Variants in FGD4 observed in about 807,000 individuals in gnomAD.
FGD4 encodes FYVE, RhoGEF and PH domain-containing protein 4.
Under a neutral mutation model 102.0 loss-of-function variants are expected in FGD4, and 42 were observed. That is an observed-to-expected ratio of 0.41 (90% CI 0.32 to 0.53). The LOEUF (loss-of-function observed/expected upper bound fraction) is 0.53. Among genes scored for constraint, FGD4 ranks in the 20% least tolerant of loss-of-function variants. The pLI is 0.21. For synonymous variants in FGD4, 380 were observed against 375.7 expected (o/e 1.01, Z -0.13); for missense variants, 902 against 1,078.2 (o/e 0.84, Z 2.29).
intron 4 of FGD4, among the ~76,000 whole-genome samples, chr12:32,592,618 G>A (rs1324336539): frequency 1.3e-5 from 2 of 151,878 alleles, no homozygotes; most frequent in Non-Finnish European, 2.9e-5. Context: ...TCAGGCTATA[G>A]CCCCAATGTA....
At chr12:32,541,083 T>G (rs1271301375) in intron 1 of FGD4, among the ~76,000 whole-genome samples, 2 of 152,166 alleles carry the variant, frequency 1.3e-5, no homozygotes, top group Non-Finnish European at 2.9e-5. Context: ...GAAAATTGGT[T>G]TATCTTTGAT....
At chr12:32,475,822 A>G (rs913932867) in intron 1 of FGD4, among the ~76,000 whole-genome samples, 1 of 152,208 alleles carries the variant, frequency 6.6e-6, no homozygotes, top group Non-Finnish European at 1.5e-5. Flanking sequence ...CTTTGCCCTA[A>G]GGCCATTTCT....
At chr12:32,537,813 A>C (rs1323511835) in intron 1 of FGD4, among the ~76,000 whole-genome samples, 1 of 152,200 alleles carries the variant, frequency 6.6e-6, no homozygotes, top group Non-Finnish European at 1.5e-5. Flanking sequence ...CTCCCTGTAT[A>C]TAGGATATAA....
chr12:32,602,028 T>C (rs974404745), intron 6 of FGD4, 133 bp from the exon 7 acceptor site: 14 of 749,400 alleles, frequency 1.9e-5, no homozygotes, highest in South Asian at 1.2e-4. Context: ...AGCTGGAGGA[T>C]TGATTGAACC....
chr12:32,543,704 G>A (rs1229209445), intron 1 of FGD4, among the ~76,000 whole-genome samples: 6 of 152,166 alleles, frequency 3.9e-5, no homozygotes. Flanking sequence ...TCAGCTCACT[G>A]CAAGCTCCGC....
chr12:32,607,634 G>C (rs1948865533), intron 7 of FGD4, among the ~76,000 whole-genome samples: 2 of 152,136 alleles, frequency 1.3e-5, no homozygotes, highest in Non-Finnish European at 2.9e-5. Flanking sequence ...CTCAGGCTCA[G>C]CCTCCGCATA....
intron 7 of FGD4, 115 bp downstream of exon 7, chr12:32,602,432 A>C (rs1948487793): frequency 5.9e-6 from 7 of 1,182,838 alleles, no homozygotes; most frequent in Non-Finnish European, 8.7e-6. Context: ...GCCAAAATTC[A>C]TTCTACTCCA....
chr12:32,469,397 G>C (rs915277302), intron 1 of FGD4, among the ~76,000 whole-genome samples: 1 of 151,694 alleles, frequency 6.6e-6, no homozygotes, highest in African/African-American at 2.4e-5. Flanking sequence ...TCCTGCCTCA[G>C]CCTCCCAAGT....
At chr12:32,441,918 C>T (rs930437656) in intron 1 of FGD4, among the ~76,000 whole-genome samples, 1 of 152,118 alleles carries the variant, frequency 6.6e-6, no homozygotes, top group Non-Finnish European at 1.5e-5. Context: ...TCTAACAGGA[C>T]AGCACTGAGT....
In FGD4 at chr12:32,501,887, A is replaced by C. The variant is rs560593697; in HGVS notation, c.167-62250A>C. Among the ~76,000 whole-genome samples, 116 of 152,342 alleles carry C rather than the reference A, an allele frequency of 7.6e-4. 1 individual carries two copies. The highest frequency in any genetic ancestry group is 6.8e-3 in the Middle Eastern group (2 of 294). The stretch of plus-strand genomic sequence containing the variant: ...TCTCCCTGAATGAGCAGAGTTAGCT[A>C]TCTGAAATGTCAGGAGTTTGTACCA... On this transcript the variant is annotated intron_variant, in intron 1 of 16. Transcript: ENST00000534526.
At chr12:32,486,044 CT>C in intron 1 of FGD4, 1 of 1,490,918 alleles carries the variant, frequency 6.7e-7, no homozygotes, top group African/African-American at 1.4e-5. Flanking sequence ...CCTATAGTTT[CT>C]ACCAACAAAT....
At chr12:32,631,864 G>T (rs1008055593) in intron 14 of FGD4, among the ~76,000 whole-genome samples, 1 of 152,108 alleles carries the variant, frequency 6.6e-6, no homozygotes, top group Non-Finnish European at 1.5e-5. Flanking sequence ...TGATTGAAAT[G>T]ATTTTTGATA....
intron 1 of FGD4, among the ~76,000 whole-genome samples, chr12:32,543,312 A>G (rs1023975663): frequency 6.6e-6 from 1 of 152,264 alleles, no homozygotes. Context: ...CTCCCTGCAC[A>G]TGGATGTATT....
chr12:32,562,254 C>A (rs1325680407), intron 1 of FGD4, among the ~76,000 whole-genome samples: 8 of 152,156 alleles, frequency 5.3e-5, no homozygotes, highest in Admixed American at 3.3e-4. Context: ...GTATAACAGT[C>A]TTCTGTCAAC....
intron 1 of FGD4, among the ~76,000 whole-genome samples, chr12:32,540,726 C>T (rs1302425485): frequency 6.6e-6 from 1 of 152,022 alleles, no homozygotes; most frequent in African/African-American, 2.4e-5. Context: ...CCACCACCCC[C>T]AGCTAATTTT....
At chr12:32,488,868 G>A (rs1416879929) in intron 1 of FGD4, among the ~76,000 whole-genome samples, 5 of 152,168 alleles carry the variant, frequency 3.3e-5, no homozygotes, top group African/African-American at 9.7e-5. Context: ...GAACCCGGGA[G>A]GTGGAGGTTG....
At chr12:32,406,132 A>T (rs1053576122) in intron 1 of FGD4, among the ~76,000 whole-genome samples, 5 of 151,836 alleles carry the variant, frequency 3.3e-5, no homozygotes, top group African/African-American at 1.2e-4. Flanking sequence ...TAGTAAAGAC[A>T]GGTTATCTCC....
At chr12:32,525,958 C>T (rs1489794541) in intron 1 of FGD4, among the ~76,000 whole-genome samples, 1 of 152,368 alleles carries the variant, frequency 6.6e-6, no homozygotes, top group African/African-American at 2.4e-5. Flanking sequence ...GCCTCCCACC[C>T]ACTCCATGGG....
intron 4 of FGD4, among the ~76,000 whole-genome samples, chr12:32,586,665 A>T (rs1021719997): frequency 6.6e-6 from 1 of 152,132 alleles, no homozygotes; most frequent in Non-Finnish European, 1.5e-5. Flanking sequence ...TGTGAGATGA[A>T]GGGGGCCTGG....
Sources: allele counts gnomAD v4.1 joint callset (sites outside exome capture counted in the v4.1 genomes callset), GRCh38; gene constraint gnomAD v4.1.1; transcripts MANE v1.5; gene names NCBI Gene and HGNC (gene_info 2026-07-23, HGNC 2026-07-21).